GALNT7: variants seen among roughly 807,000 people sequenced by gnomAD.
GALNT7 encodes N-acetylgalactosaminyltransferase 7.
A neutral mutation model predicts 82.1 loss-of-function variants in GALNT7; 60 were observed. The observed-to-expected ratio is 0.73, with a 90% CI of 0.59 to 0.91. GALNT7 has a LOEUF of 0.91. Among genes scored for constraint, GALNT7 ranks in the 40% least tolerant of loss-of-function variants. The pLI, the probability that GALNT7 is intolerant of heterozygous loss-of-function variation, is 0.00. For synonymous variants in GALNT7, 243 were observed against 275.1 expected, an observed-to-expected ratio of 0.88 and a Z score of 1.15; for missense variants, 660 against 804.2, an observed-to-expected ratio of 0.82 and a Z score of 2.17.
intron 4 of GALNT7, 109 bp downstream of exon 4, chr4:173,295,635 T>A (rs1736694708): frequency 5.8e-6 from 7 of 1,212,202 alleles, no homozygotes; most frequent in Non-Finnish European, 8.5e-6. Context: ...AATGCTGGCT[T>A]AAACAGATAA....
At chr4:173,205,445 C>T (rs1219015797) in intron 1 of GALNT7, among the ~76,000 whole-genome samples, 1 of 152,130 alleles carries the variant, frequency 6.6e-6, no homozygotes, top group Admixed American at 6.5e-5. Flanking sequence ...GACCCTGGGT[C>T]TGCTGGAGCA....
chr4:173,257,921 T>C (rs1735104549), intron 2 of GALNT7, among the ~76,000 whole-genome samples: 1 of 152,182 alleles, frequency 6.6e-6, no homozygotes, highest in Non-Finnish European at 1.5e-5. Flanking sequence ...ACTTCAACTT[T>C]TGTGAGGCAG....
In GALNT7 at chr4:173,254,308, T is replaced by C. The variant is rs534516727; in HGVS notation, c.587+5868T>C. 1.9e-4 allele frequency among the ~76,000 whole-genome samples: 29 copies of C among 152,354 alleles called. No homozygotes were observed. The South Asian group carries it at 2.5e-3, about 13-fold the overall frequency. The stretch of plus-strand genomic sequence containing the variant: ...AGTCCAAAATAAATATTAATTCTTA[T>C]ACTGTAATTTTATCTAAGGTGAATT... On this transcript the variant is annotated intron_variant, in intron 2 of 11. Transcript: ENST00000265000.
chr4:173,288,949 T>C (rs1579993506), intron 2 of GALNT7, among the ~76,000 whole-genome samples: 2 of 151,992 alleles, frequency 1.3e-5, no homozygotes, highest in East Asian at 3.9e-4. Context: ...AGACTCTGTC[T>C]CTAGGATGCA....
intron 1 of GALNT7, among the ~76,000 whole-genome samples, chr4:173,218,850 G>C (rs935809545): frequency 2.0e-5 from 3 of 152,134 alleles, no homozygotes; most frequent in South Asian, 2.1e-4. Flanking sequence ...ACCCCCTGCT[G>C]GTTCTGGGTT....
intron 2 of GALNT7, among the ~76,000 whole-genome samples, chr4:173,263,091 A>G (rs1254866084): frequency 1.3e-5 from 2 of 152,212 alleles, no homozygotes; most frequent in East Asian, 1.9e-4. Context: ...AAATATCCAC[A>G]CAGTGAAAAA....
chr4:173,242,581 T>G (rs1734473675), intron 1 of GALNT7, among the ~76,000 whole-genome samples: 1 of 152,258 alleles, frequency 6.6e-6, no homozygotes, highest in South Asian at 2.1e-4. Context: ...CCAGCAGGGC[T>G]GCAGCTCCCA....
intron 1 of GALNT7, among the ~76,000 whole-genome samples, chr4:173,223,483 G>A (rs200403768): frequency 2.2e-5 from 2 of 90,484 alleles, no homozygotes; most frequent in African/African-American, 6.6e-5. Context: ...ATTCAGTAAT[G>A]TTACTAAATG....
chr4:173,231,527 G>GCA (rs1561164832), intron 1 of GALNT7, among the ~76,000 whole-genome samples: 1 of 152,162 alleles, frequency 6.6e-6, no homozygotes, highest in African/African-American at 2.4e-5. Context: ...ACTTAATGAT[G>GCA]TATGATCTCC....
At chr4:173,306,950 G>T (rs1737176030) in intron 8 of GALNT7, among the ~76,000 whole-genome samples, 1 of 152,202 alleles carries the variant, frequency 6.6e-6, no homozygotes, top group Non-Finnish European at 1.5e-5. Context: ...CCTCTATGGG[G>T]GAAGGAAGGT....
chr4:173,197,570 C>T (rs1255000373), intron 1 of GALNT7, among the ~76,000 whole-genome samples: 1 of 152,114 alleles, frequency 6.6e-6, no homozygotes, highest in Non-Finnish European at 1.5e-5. Flanking sequence ...TTCCGTAGTA[C>T]CTAGTGTTGT....
intron 2 of GALNT7, among the ~76,000 whole-genome samples, chr4:173,289,286 G>A (rs982608602): frequency 3.3e-5 from 5 of 152,088 alleles, no homozygotes; most frequent in East Asian, 3.9e-4. Context: ...ACCTAAATAT[G>A]TTGTAGTTTT....
intron 1 of GALNT7, among the ~76,000 whole-genome samples, chr4:173,224,936 A>AC (rs1385777388): frequency 6.6e-6 from 1 of 151,266 alleles, no homozygotes; most frequent in African/African-American, 2.4e-5. Context: ...AATGGTGTGA[A>AC]CCCGGGAGGC....
chr4:173,172,682 A>G (rs1173621805), intron 1 of GALNT7, among the ~76,000 whole-genome samples: 1 of 152,134 alleles, frequency 6.6e-6, no homozygotes, highest in East Asian at 1.9e-4. Flanking sequence ...TTTCAAGAAA[A>G]GTAGTTAATC....
intron 2 of GALNT7, among the ~76,000 whole-genome samples, chr4:173,275,320 CG>C (rs1238564604): frequency 6.6e-6 from 1 of 152,136 alleles, no homozygotes; most frequent in African/African-American, 2.4e-5. Flanking sequence ...CTAACCGTAC[CG>C]TTACTGTGTT....
rs764867237 is a variant in GALNT7, at chr4:173,248,330, A to G, written c.477A>G (p.Gly159=). Residue 159 remains glycine (G), a synonymous_variant, in exon 2 of 12, where the codon GGA becomes GGG. Transcript: ENST00000265000. ...PGEKAKPLVL[G]PEFKQAIQAS... ...AGAAAGCCAAGCCATTGGTTTTGGG[A>G]CCAGAATTCAAACAAGCAATTCAAG... 1.5e-5 allele frequency: 25 copies of G among 1,613,594 alleles called. No homozygotes were observed. In the South Asian group the frequency reaches 2.7e-4, roughly 18 times the overall value.
At chr4:173,310,711 C>A (rs988495725) in intron 8 of GALNT7, among the ~76,000 whole-genome samples, 2 of 152,076 alleles carry the variant, frequency 1.3e-5, no homozygotes, top group Non-Finnish European at 2.9e-5. Context: ...AGGACTATAT[C>A]CTCATCTAAT....
chr4:173,299,116 C>G (rs185877096), intron 6 of GALNT7, among the ~76,000 whole-genome samples: 17 of 152,276 alleles, frequency 1.1e-4, no homozygotes, highest in African/African-American at 3.9e-4. Context: ...CTTTTGGTCT[C>G]TCTCTCCCTG....
In GALNT7 at chr4:173,300,655, C is replaced by T. The variant is rs552044463; in HGVS notation, c.1149-1392C>T. 5.3e-5 allele frequency among the ~76,000 whole-genome samples: 8 copies of T among 151,838 alleles called. No homozygotes were observed. The East Asian group carries it at 1.4e-3, about 26-fold the overall frequency. On this transcript the variant is annotated intron_variant, in intron 6 of 11. Transcript: ENST00000265000. ...AGAGTCCATGGTGAGCCCAGAGAGC[C>T]GGGAGAGGCTGGTATCATGCAGGCG...
Sources: allele counts gnomAD v4.1 joint callset (sites outside exome capture counted in the v4.1 genomes callset), GRCh38; gene constraint gnomAD v4.1.1; transcripts MANE v1.5; gene names NCBI Gene and HGNC (gene_info 2026-07-23, HGNC 2026-07-21).